Variants in CCDC90B observed in about 807,000 individuals in gnomAD.
CCDC90B encodes coiled-coil domain containing 90B.
A neutral mutation model predicts 37.0 loss-of-function variants in CCDC90B; 24 were observed. The ratio of observed to expected loss-of-function variants is 0.65; its 90% CI spans 0.47 to 0.91. The LOEUF (loss-of-function observed/expected upper bound fraction) is 0.91, where lower values mean the gene tolerates loss of function less well. Among genes scored for constraint, CCDC90B ranks in the 40% least tolerant of loss-of-function variants. The pLI is 0.00. For missense variants in CCDC90B, 319 were observed against 299.0 expected, an observed-to-expected ratio of 1.07 and a Z score of -0.49; for synonymous variants, 113 against 101.1, an observed-to-expected ratio of 1.12 and a Z score of -0.71.
At chr11:83,278,661 A>G (rs1865186992) in intron 3 of CCDC90B, 65 bp downstream of exon 3, 8 of 1,077,940 alleles carry the variant, frequency 7.4e-6, no homozygotes, top group Non-Finnish European at 9.9e-6. Context: ...GTAGGTAGAC[A>G]GAGACATAGT....
In CCDC90B at chr11:83,270,337, A is replaced by G. The variant is rs565941715; in HGVS notation, c.594+3310T>C. On this transcript the variant is annotated intron_variant, in intron 7 of 8. Transcript: ENST00000529689. ...AGGCAAGAGAAATAAAGGGTATTCA[A>G]TTAGGAAGAGAGGAAGTCAAATTGT... 2.3e-4 allele frequency among the ~76,000 whole-genome samples: 35 copies of G among 152,338 alleles called. No homozygotes were observed. The South Asian group carries it at 6.4e-3, about 28-fold the overall frequency.
At chr11:83,262,991 T>C (rs143175178) in intron 8 of CCDC90B, among the ~76,000 whole-genome samples, 1 of 152,190 alleles carries the variant, frequency 6.6e-6, no homozygotes, top group Non-Finnish European at 1.5e-5. Context: ...TTGGTGGTAT[T>C]ATCCCCATTG....
At chr11:83,266,272 G>A (rs546159901) in intron 7 of CCDC90B, among the ~76,000 whole-genome samples, 5 of 152,278 alleles carry the variant, frequency 3.3e-5, no homozygotes, top group Admixed American at 1.3e-4. Flanking sequence ...TGGGTGCAGC[G>A]CACGGAGGGT....
chr11:83,282,162 C>T (rs1230813354), intron 1 of CCDC90B, among the ~76,000 whole-genome samples: 3 of 152,172 alleles, frequency 2.0e-5, no homozygotes, highest in African/African-American at 7.2e-5. Context: ...AAAAACAAAA[C>T]CCAAAAACCC....
At chr11:83,269,635 T>A (rs987381873) in intron 7 of CCDC90B, among the ~76,000 whole-genome samples, 5 of 152,048 alleles carry the variant, frequency 3.3e-5, no homozygotes, top group Non-Finnish European at 7.4e-5. Flanking sequence ...AATAGACCAA[T>A]AACAGGCTCT....
intron 8 of CCDC90B, among the ~76,000 whole-genome samples, chr11:83,265,467 TTG>T (rs1864198398): frequency 6.6e-6 from 1 of 152,236 alleles, no homozygotes; most frequent in Non-Finnish European, 1.5e-5. Context: ...CATTTTCTGC[TTG>T]TGTTTATATA....
chr11:83,268,479 T>A (rs1179987519), intron 7 of CCDC90B, among the ~76,000 whole-genome samples: 1 of 149,650 alleles, frequency 6.7e-6, no homozygotes, highest in African/African-American at 2.4e-5. Flanking sequence ...TAAAACAGAC[T>A]TTAAACCAAC....
At chr11:83,270,149 G>A (rs935631758) in intron 7 of CCDC90B, among the ~76,000 whole-genome samples, 3 of 152,076 alleles carry the variant, frequency 2.0e-5, no homozygotes, top group Non-Finnish European at 4.4e-5. Context: ...TTGATGGAAC[G>A]TATCTCAAAA....
intron 1 of CCDC90B, 28 bp from the exon 2 acceptor site, chr11:83,280,288 T>C (rs752956016): frequency 1.9e-6 from 3 of 1,599,590 alleles, no homozygotes; most frequent in Non-Finnish European, 2.6e-6. Flanking sequence ...TTTTTTCTTT[T>C]GTAGTAACTG....
rs1865685690 is a variant in CCDC90B at position 83,286,217 on chromosome 11, T to A, written c.-245A>T. 1 of 1,525,698 alleles carries A rather than the reference T, an allele frequency of 6.6e-7. No individual in the cohort carries two copies. Among genetic ancestry groups the A allele is most frequent in the Non-Finnish European group, 8.8e-7 (1 of 1,138,956 alleles). The allele number at this position is 1,525,698 out of a possible 1,614,324, so 94.5% of individuals were successfully genotyped here. ...TCTCCCAGCGCCCCTTCCCGACCTT[T>A]GAACGCCTTCACCGCCCTAGGAAAG... On this transcript the variant is annotated 5_prime_UTR_variant, in exon 1 of 9. Transcript: ENST00000529689.
intron 1 of CCDC90B, among the ~76,000 whole-genome samples, chr11:83,281,411 A>G (rs1192002694): frequency 6.6e-6 from 1 of 152,222 alleles, no homozygotes; most frequent in East Asian, 1.9e-4. Flanking sequence ...GAAGGCAGGA[A>G]ACAGATATTG....
intron 7 of CCDC90B, among the ~76,000 whole-genome samples, chr11:83,270,714 C>T (rs1369840464): frequency 1.3e-5 from 2 of 151,398 alleles, no homozygotes; most frequent in African/African-American, 4.8e-5. Context: ...GTGAAAATGG[C>T]CATACTGCCA....
At position 83,261,973 on chromosome 11, in the gene CCDC90B, AAAG is replaced by A. The variant is rs1325760456; in HGVS notation, c.710-10_710-8del. 1 of 1,584,000 alleles carries A rather than the reference AAAG, an allele frequency of 6.3e-7. No homozygotes were observed. The highest frequency in any genetic ancestry group is 8.6e-7 in the Non-Finnish European group (1 of 1,158,764). On this transcript the variant is annotated splice_region_variant and splice_polypyrimidine_tract_variant and intron_variant, in intron 8 of 8. Coordinates refer to ENST00000529689, the MANE Select transcript of CCDC90B (RefSeq NM_021825.5). ...AGGCAAGTAAACACCGAAGCTGTGA[AAAG>A]AAGAAACTGTGTTATAGGTCTTGTA...
intron 1 of CCDC90B, 151 bp downstream of exon 1, chr11:83,285,722 G>A (rs371662310): frequency 2.1e-6 from 3 of 1,442,902 alleles, no homozygotes; most frequent in Non-Finnish European, 1.8e-6. Context: ...GCAAGTCGGG[G>A]CAGCAGGCAG....
At chr11:83,277,585 C>A (rs11233545) in intron 3 of CCDC90B, among the ~76,000 whole-genome samples, 1 of 151,904 alleles carries the variant, frequency 6.6e-6, no homozygotes, top group African/African-American at 2.4e-5. Context: ...CCAGTTCAAG[C>A]GATTCTCCTG....
intron 1 of CCDC90B, chr11:83,285,185 G>A (rs2135680995): frequency 7.8e-7 from 1 of 1,285,234 alleles, no homozygotes; most frequent in East Asian, 5.6e-5. Flanking sequence ...CGCCTATTTT[G>A]TGGACAACCT....
chr11:83,265,170 A>G (rs1864176872), intron 8 of CCDC90B, among the ~76,000 whole-genome samples: 1 of 152,188 alleles, frequency 6.6e-6, no homozygotes, highest in South Asian at 2.1e-4. Flanking sequence ...ATAGTTGACT[A>G]GGGCATTCTT....
chr11:83,281,987 C>G (rs1418347849), intron 1 of CCDC90B, among the ~76,000 whole-genome samples: 1 of 151,688 alleles, frequency 6.6e-6, no homozygotes, highest in Non-Finnish European at 1.5e-5. Context: ...TACACCTAAC[C>G]TGCTGAACAT....
intron 7 of CCDC90B, among the ~76,000 whole-genome samples, chr11:83,268,309 CA>C (rs1864419814): frequency 6.6e-6 from 1 of 151,884 alleles, no homozygotes. Flanking sequence ...CACAGACTGG[CA>C]AATTGGATAG....
Sources: gnomAD v4.1 joint callset for allele counts (sites outside exome capture counted in the v4.1 genomes callset) on GRCh38, gnomAD v4.1.1 for gene constraint, MANE v1.5 for transcripts, NCBI Gene and HGNC (gene_info 2026-07-23, HGNC 2026-07-21) for gene names.